The following RIT2 variants were observed in gnomAD, a reference collection of about 807,000 sequenced individuals.
The protein encoded by RIT2 is Ras like without CAAX 2.
In RIT2, 24 loss-of-function variants were observed where a neutral mutation model predicts 23.7. The observed-to-expected ratio is 1.01, with a 90% CI of 0.73 to 1.43. The LOEUF is 1.43. Ranked by LOEUF, RIT2 falls within the 40% of genes most tolerant of loss-of-function variation. The pLI, the probability that RIT2 is intolerant of heterozygous loss-of-function variation, is 0.00. For missense variants in RIT2, 236 were observed against 266.9 expected, an observed-to-expected ratio of 0.88 and a Z score of 0.81; for synonymous variants, 107 against 91.1, an observed-to-expected ratio of 1.17 and a Z score of -0.99.
chr18:43,074,024 G>A (rs967722750), intron 1 of RIT2, among the ~76,000 whole-genome samples: 1 of 152,014 alleles, frequency 6.6e-6, no homozygotes, highest in African/African-American at 2.4e-5. Context: ...TGTATGTGAA[G>A]GATGGTGAAA....
At chr18:43,064,827 T>C (rs1357802897) in intron 1 of RIT2, among the ~76,000 whole-genome samples, 1 of 152,120 alleles carries the variant, frequency 6.6e-6, no homozygotes, top group Non-Finnish European at 1.5e-5. Context: ...ATTATTTATT[T>C]ATTATTTATG....
At chr18:43,045,991 T>C (rs1428687643) in intron 1 of RIT2, among the ~76,000 whole-genome samples, 1 of 152,186 alleles carries the variant, frequency 6.6e-6, no homozygotes, top group African/African-American at 2.4e-5. Context: ...TATTTTGGTT[T>C]ATACATTATT....
intron 4 of RIT2, among the ~76,000 whole-genome samples, chr18:42,893,201 G>A (rs185421752): frequency 7.1e-6 from 1 of 140,766 alleles, no homozygotes; most frequent in East Asian, 2.1e-4. Context: ...ACTCCAGCCT[G>A]GGAAACAGAG....
intron 2 of RIT2, among the ~76,000 whole-genome samples, chr18:42,989,359 T>C (rs1910786827): frequency 6.6e-6 from 1 of 152,146 alleles, no homozygotes; most frequent in African/African-American, 2.4e-5. Flanking sequence ...TCCATGCTTC[T>C]AATTCAGAAC....
At chr18:42,948,991 C>A in intron 3 of RIT2, 1 of 397,722 alleles carries the variant, frequency 2.5e-6, no homozygotes, top group Non-Finnish European at 4.4e-6. Flanking sequence ...ACTTACTTTT[C>A]AGTTCTTCTG....
chr18:42,756,260 C>T (rs2143891907), intron 4 of RIT2, among the ~76,000 whole-genome samples: 1 of 152,278 alleles, frequency 6.6e-6, no homozygotes, highest in East Asian at 1.9e-4. Flanking sequence ...ATTTCTCTCT[C>T]TTGCTGTTCT....
At chr18:42,887,330 T>A (rs913575331) in intron 4 of RIT2, among the ~76,000 whole-genome samples, 1 of 152,202 alleles carries the variant, frequency 6.6e-6, no homozygotes, top group African/African-American at 2.4e-5. Flanking sequence ...AAACATCATG[T>A]TATTTAAGAT....
chr18:43,065,823 T>C (rs1912759046), intron 1 of RIT2, among the ~76,000 whole-genome samples: 1 of 152,078 alleles, frequency 6.6e-6, no homozygotes, highest in Admixed American at 6.6e-5. Context: ...AAATAAAATT[T>C]AGAAAGGTAG....
intron 3 of RIT2, among the ~76,000 whole-genome samples, chr18:42,955,067 T>G (rs535689508): frequency 6.6e-6 from 1 of 152,210 alleles, no homozygotes; most frequent in East Asian, 1.9e-4. Flanking sequence ...GTAGAACACA[T>G]GAGGTCATTT....
At position 42,743,738 on chromosome 18, in the gene RIT2, A is replaced by G; in HGVS notation, c.427-18T>C. On this transcript the variant is annotated intron_variant, in intron 4 of 4. Coordinates refer to ENST00000326695, the MANE Select transcript of RIT2 (RefSeq NM_002930.4). ...GTAGAAACCTAAGGAAAAAACAAAT[A>G]ATATTAAAAAGACAGAAAGAGAAAG... The G allele has an allele frequency of 6.5e-7, 1 of 1,533,020 alleles. No homozygotes were observed. The highest frequency in any genetic ancestry group is 1.7e-4 in the Middle Eastern group (1 of 5,828). The allele number at this position is 1,533,020 out of a possible 1,614,324, so 95.0% of individuals were successfully genotyped here.
At chr18:42,925,860 A>G (rs1265459019) in intron 3 of RIT2, among the ~76,000 whole-genome samples, 1 of 151,706 alleles carries the variant, frequency 6.6e-6, no homozygotes, top group African/African-American at 2.4e-5. Flanking sequence ...CAGCGCTAAT[A>G]TACCTTGGAA....
intron 4 of RIT2, among the ~76,000 whole-genome samples, chr18:42,823,793 T>G (rs1368691113): frequency 6.6e-6 from 1 of 152,132 alleles, no homozygotes; most frequent in African/African-American, 2.4e-5. Flanking sequence ...ATTTAATGCA[T>G]AAGAAAATGG....
chr18:43,065,231 T>A (rs995996611), intron 1 of RIT2, among the ~76,000 whole-genome samples: 2 of 144,850 alleles, frequency 1.4e-5, no homozygotes, highest in Admixed American at 6.9e-5. Flanking sequence ...TTTTTTTTTT[T>A]TTTTTTTTTT....
rs532525005 is a variant in RIT2, at chr18:42,852,098, G to C, written c.426+71474C>G. Among the ~76,000 whole-genome samples, 5 of 152,188 alleles carry C rather than the reference G, an allele frequency of 3.3e-5. No homozygotes were observed. In the South Asian group the frequency reaches 1.0e-3, roughly 32 times the overall value. Reference sequence around the variant, plus strand: ...AGTCACCATCTACTATCACCCTCAAGACTCGACCATAAAATTCTGTTCTCT... The same window carrying C: ...AGTCACCATCTACTATCACCCTCAACACTCGACCATAAAATTCTGTTCTCT... On this transcript the variant is annotated intron_variant, in intron 4 of 4. Coordinates refer to ENST00000326695, the MANE Select transcript of RIT2 (RefSeq NM_002930.4).
chr18:42,885,247 C>T (rs1303230899), intron 4 of RIT2, among the ~76,000 whole-genome samples: 3 of 152,142 alleles, frequency 2.0e-5, no homozygotes, highest in Non-Finnish European at 4.4e-5. Context: ...ACTTATACCC[C>T]AATAAAAACA....
intron 3 of RIT2, among the ~76,000 whole-genome samples, chr18:42,968,500 T>G (rs1409674080): frequency 1.3e-5 from 2 of 152,164 alleles, no homozygotes; most frequent in Non-Finnish European, 2.9e-5. Flanking sequence ...GATCAAAGGG[T>G]ATGCTTAGTT....
At chr18:42,823,379 A>T (rs1442638395) in intron 4 of RIT2, among the ~76,000 whole-genome samples, 3 of 152,166 alleles carry the variant, frequency 2.0e-5, no homozygotes, top group African/African-American at 4.8e-5. Flanking sequence ...ACTCAGTGAG[A>T]GGAAAATGAA....
chr18:42,806,099 TAATATA>T (rs1259266012), intron 4 of RIT2, among the ~76,000 whole-genome samples: 2 of 48,418 alleles, frequency 4.1e-5, no homozygotes, highest in African/African-American at 8.4e-5. Flanking sequence ...TTAATAAAAT[TAATATA>T]TATATATATA....
At chr18:43,047,104 G>A (rs1008934247) in intron 1 of RIT2, among the ~76,000 whole-genome samples, 1 of 152,006 alleles carries the variant, frequency 6.6e-6, no homozygotes. Flanking sequence ...AACATACTTG[G>A]ACTAGTTGTC....
Sources: allele counts gnomAD v4.1 joint callset (sites outside exome capture counted in the v4.1 genomes callset), GRCh38; gene constraint gnomAD v4.1.1; transcripts MANE v1.5; gene names NCBI Gene and HGNC (gene_info 2026-07-23, HGNC 2026-07-21).